Variants in RPTOR observed in about 807,000 individuals in gnomAD.
RPTOR encodes the protein regulatory-associated protein of mTOR.
A neutral mutation model predicts 169.9 loss-of-function variants in RPTOR; 21 were observed. That is an observed-to-expected ratio of 0.12 (90% CI 0.09 to 0.18). The LOEUF is 0.18. RPTOR is among the 10% of genes least tolerant of loss of function. RPTOR has a pLI of 1.00. For synonymous variants in RPTOR, 732 were observed against 753.2 expected (o/e 0.97, Z 0.46); for missense variants, 1,133 against 1,855.9 (o/e 0.61, Z 7.16).
In RPTOR at chr17:80,861,878, G is replaced by A. The variant is rs908241; in HGVS notation, c.1509+3978G>A. 0.12 allele frequency among the ~76,000 whole-genome samples: 18,907 copies of A among 152,148 alleles called. 1,670 individuals carry two copies. Among genetic ancestry groups the A allele is most frequent in the East Asian group, 0.32 (1,649 of 5,172 alleles). Reference sequence around the variant, plus strand: ...TTGGTGAAAGGGGACAGCCTTCCTCGTACCTTCCTCGTGACATTCTCACTG... The same window carrying A: ...TTGGTGAAAGGGGACAGCCTTCCTCATACCTTCCTCGTGACATTCTCACTG... On this transcript the variant is annotated intron_variant, in intron 13 of 33. Coordinates refer to ENST00000306801, the MANE Select transcript of RPTOR (RefSeq NM_020761.3). This position sits in a 1 kb window ranked among gnomAD's most constrained non-coding sequence, Gnocchi z 4.5.
chr17:80,571,052 A>G (rs1243228053), intron 1 of RPTOR, among the ~76,000 whole-genome samples: 1 of 152,244 alleles, frequency 6.6e-6, no homozygotes, highest in Non-Finnish European at 1.5e-5. Context: ...TCAGAGGTTG[A>G]AACTGAAATA....
At chr17:80,738,021 G>A (rs566059730) in intron 5 of RPTOR, among the ~76,000 whole-genome samples, 1 of 152,122 alleles carries the variant, frequency 6.6e-6, no homozygotes, top group Non-Finnish European at 1.5e-5. Flanking sequence ...TTAAGAGGGT[G>A]GGGGGGCAGG....
intron 1 of RPTOR, among the ~76,000 whole-genome samples, chr17:80,590,460 A>G (rs1000463711): frequency 2.0e-5 from 3 of 148,420 alleles, no homozygotes; most frequent in South Asian, 2.1e-4. Context: ...GTGTGTTAGC[A>G]TGGTAAAGTA....
intron 11 of RPTOR, among the ~76,000 whole-genome samples, chr17:80,851,913 A>C (rs2067797407): frequency 6.6e-6 from 1 of 152,250 alleles, no homozygotes; most frequent in South Asian, 2.1e-4. Flanking sequence ...GTGTTGGAAA[A>C]AAACAAAAAG....
intron 24 of RPTOR, among the ~76,000 whole-genome samples, chr17:80,930,195 G>GCCCAGCTCATC (rs1567993346): frequency 5.3e-5 from 1 of 18,756 alleles, no homozygotes; most frequent in South Asian, 1.9e-3. Flanking sequence ...CCCAGCTCAT[G>GCCCAGCTCATC]CCCAGCTCAT....
intron 4 of RPTOR, among the ~76,000 whole-genome samples, chr17:80,715,268 CA>C (rs2066230157): frequency 6.6e-6 from 1 of 152,158 alleles, no homozygotes; most frequent in Non-Finnish European, 1.5e-5. Context: ...GATATCCCCA[CA>C]TATCCTATAA....
intron 5 of RPTOR, among the ~76,000 whole-genome samples, chr17:80,744,131 GGCTACTAGCACTA>G: frequency 1.9e-5 from 2 of 104,828 alleles, no homozygotes; most frequent in African/African-American, 3.8e-5. Flanking sequence ...GCACAGCCCT[GGCTACTAGCACTA>G]TCCTGGTTAC....
rs1209739471 is a variant in RPTOR at position 80,730,159 on chromosome 17, T to G, written c.508-401T>G. On this transcript the variant is annotated intron_variant, in intron 4 of 33. Transcript: ENST00000306801. This position sits in a 1 kb window ranked among gnomAD's most constrained non-coding sequence, Gnocchi z 4.2. ...TCTCGCTCTGTTGCCCAGGCTGGAG[T>G]GCAGTGGCGCAATCTTGGCTCACTG... 6.6e-6 allele frequency among the ~76,000 whole-genome samples: 1 copy of G among 152,136 alleles called. No individual in the cohort carries two copies. Among genetic ancestry groups the G allele is most frequent in the Non-Finnish European group, 1.5e-5 (1 of 68,018 alleles).
chr17:80,795,666 G>A (rs2067094356), intron 7 of RPTOR, among the ~76,000 whole-genome samples: 1 of 152,098 alleles, frequency 6.6e-6, no homozygotes, highest in Non-Finnish European at 1.5e-5. Context: ...AGAGTGTGGT[G>A]GGAAGAATAT....
At chr17:80,767,644 G>A (rs1174469191) in intron 6 of RPTOR, among the ~76,000 whole-genome samples, 1 of 152,166 alleles carries the variant, frequency 6.6e-6, no homozygotes, top group Non-Finnish European at 1.5e-5. Context: ...GAACAGAATA[G>A]ACAGACAACC....
intron 11 of RPTOR, among the ~76,000 whole-genome samples, chr17:80,853,788 C>T (rs2046624029): frequency 6.6e-6 from 1 of 152,132 alleles, no homozygotes; most frequent in Non-Finnish European, 1.5e-5. Context: ...ACCATCCTGC[C>T]TAATGCAGTG....
In RPTOR at chr17:80,844,973, G is replaced by GTT. The variant is rs1362189053; in HGVS notation, c.1213-1499_1213-1498dup. 7.4e-6 allele frequency among the ~76,000 whole-genome samples: 1 copy of GTT among 134,826 alleles called. No individual in the cohort carries two copies. Among genetic ancestry groups the GTT allele is most frequent in the African/African-American group, 3.5e-5 (1 of 28,468 alleles). The allele number at this position is 134,826 out of a possible 152,430, so 88.5% of individuals were successfully genotyped here. On this transcript the variant is annotated intron_variant, in intron 10 of 33. Coordinates refer to ENST00000306801, the MANE Select transcript of RPTOR (RefSeq NM_020761.3). The surrounding 1 kb of genome is among the most constrained non-coding windows in gnomAD (Gnocchi z 4.7). ...AGTGGATGGGAGAGAGAGGCTGGTA[G>GTT]TTGTTTTTTTTTTTTTCTTTAATTC...
At chr17:80,821,514 C>T (rs1292783433) in intron 7 of RPTOR, among the ~76,000 whole-genome samples, 2 of 152,164 alleles carry the variant, frequency 1.3e-5, no homozygotes, top group Non-Finnish European at 1.5e-5. Flanking sequence ...GTTCTGTCCT[C>T]ACGGCTGAGG....
chr17:80,870,317 C>A (rs2068038307), intron 13 of RPTOR, among the ~76,000 whole-genome samples: 1 of 152,198 alleles, frequency 6.6e-6, no homozygotes, highest in Non-Finnish European at 1.5e-5. Flanking sequence ...CCGGAAGGAA[C>A]CCGCACTATG....
At chr17:80,729,742 A>G (rs1249722458) in intron 4 of RPTOR, among the ~76,000 whole-genome samples, 4 of 152,210 alleles carry the variant, frequency 2.6e-5, no homozygotes, top group African/African-American at 4.8e-5. Flanking sequence ...CCTCCCTTGT[A>G]AATGATGTGT....
chr17:80,737,822 A>T (rs1289692722), intron 5 of RPTOR, among the ~76,000 whole-genome samples: 1 of 133,278 alleles, frequency 7.5e-6, no homozygotes, highest in Non-Finnish European at 1.5e-5. Context: ...CCCCCGCCAC[A>T]CTCACTCCAC....
intron 1 of RPTOR, among the ~76,000 whole-genome samples, chr17:80,590,906 G>A (rs1183868132): frequency 6.6e-6 from 1 of 151,684 alleles, no homozygotes; most frequent in Non-Finnish European, 1.5e-5. Context: ...TTACTCATCT[G>A]GGTCTTGAGT....
chr17:80,550,313 C>A (rs1029587547), intron 1 of RPTOR, among the ~76,000 whole-genome samples: 1 of 152,206 alleles, frequency 6.6e-6, no homozygotes, highest in Non-Finnish European at 1.5e-5. Flanking sequence ...GCTCTTTCCT[C>A]ACTTGCTTCT....
chr17:80,728,751 C>G (rs756605047), intron 4 of RPTOR, among the ~76,000 whole-genome samples: 4 of 147,368 alleles, frequency 2.7e-5, no homozygotes, highest in Non-Finnish European at 6.0e-5. Flanking sequence ...TTTTTTTTCT[C>G]TGTACTATAT....
Sources: gnomAD v4.1 joint callset for allele counts (sites outside exome capture counted in the v4.1 genomes callset) on GRCh38, gnomAD v4.1.1 for gene constraint, Gnocchi (gnomAD v3.1) non-coding constraint, MANE v1.5 for transcripts, NCBI Gene and HGNC (gene_info 2026-07-23, HGNC 2026-07-21) for gene names.